FBN3: variants seen among roughly 807,000 people sequenced by gnomAD.
FBN3 encodes the protein fibrillin-3.
In FBN3, 234 loss-of-function variants were observed where a neutral mutation model predicts 330.1. The ratio of observed to expected loss-of-function variants is 0.71; its 90% CI spans 0.64 to 0.79. FBN3 has a LOEUF of 0.79. Ranked by LOEUF, FBN3 falls within the 30% of genes least tolerant of loss-of-function variation. The pLI is 0.00. For missense variants in FBN3, 3,606 were observed against 3,886.9 expected (o/e 0.93, Z 1.92); for synonymous variants, 1,458 against 1,517.3 (o/e 0.96, Z 0.91).
chr19:8,121,385 A>G lies in FBN3; in HGVS notation c.3084T>C (p.Asp1028=), dbSNP rs965558970. The change falls in exon 25 of 64, where the codon GAT becomes GAC. Residue 1028 remains aspartate, a splice_region_variant and synonymous_variant. Transcript: ENST00000600128. This position sits in a 1 kb window ranked among gnomAD's most constrained non-coding sequence, Gnocchi z 4.5. ...ALDAQERNCT[D]IDECRISPDL... ...CAGGAGAGATGCGACACTCGTCGAT[A>G]TCTGTGGGGAGAGGGGGCAGAGGCC... 1.3e-6 allele frequency: 2 copies of G among 1,575,260 alleles called. No individual in the cohort carries two copies. The highest frequency in any genetic ancestry group is 1.7e-6 in the Non-Finnish European group (2 of 1,166,730).
intron 56 of FBN3, 74 bp downstream of exon 56, chr19:8,085,289 G>A (rs2081913058): frequency 7.8e-7 from 1 of 1,279,868 alleles, no homozygotes; most frequent in Non-Finnish European, 1.1e-6. Context: ...ACCTGCTGCA[G>A]TACAGACACA....
intron 13 of FBN3, 25 bp downstream of exon 13, chr19:8,135,936 G>GGGACCCCCCCCCCC: frequency 1.5e-6 from 1 of 668,778 alleles, no homozygotes. Flanking sequence ...GGAAGCCCCT[G>GGGACCCCCCCCCCC]CCCACCCGCC....
At position 8,109,274 on chromosome 19, in the gene FBN3, C is replaced by G; in HGVS notation, c.4571G>C (p.Gly1524Ala). 1 of 1,614,146 alleles carries G rather than the reference C, an allele frequency of 6.2e-7. No homozygotes were observed. The highest frequency in any genetic ancestry group is 1.3e-5 in the African/African-American group (1 of 75,034). ...CTCACAGGGATTGCCCCAAGCCCGGCCCAGGGAGCAACAGCAGGAAGCTCG... is the reference window on the plus strand; with the variant it reads ...CTCACAGGGATTGCCCCAAGCCCGGGCCAGGGAGCAACAGCAGGAAGCTCG... Reference protein sequence around the residue: ...VTRASCCCSLGRAWGNPCELC... With the variant: ...VTRASCCCSLARAWGNPCELC... The change falls in exon 36 of 64, where the codon GGC (glycine) becomes GCC (alanine). Residue 1524 changes from glycine to alanine, a missense_variant. Physicochemically the swap from Gly to Ala is moderately conservative, Grantham distance 60 (BLOSUM62 0). Coordinates refer to ENST00000600128, the MANE Select transcript of FBN3 (RefSeq NM_032447.5). The surrounding 1 kb of genome is among the most constrained non-coding windows in gnomAD (Gnocchi z 5.2).
chr19:8,128,102 G>A (rs748081494), intron 18 of FBN3, among the ~76,000 whole-genome samples: 2 of 152,236 alleles, frequency 1.3e-5, no homozygotes, highest in South Asian at 2.1e-4. Flanking sequence ...TGGAACTTCC[G>A]TGCCTGCTCT....
At chr19:8,119,128 A>G in intron 25 of FBN3, 106 bp from the exon 26 acceptor site, 1 of 1,337,456 alleles carries the variant, frequency 7.5e-7, no homozygotes, top group Non-Finnish European at 1.0e-6. Context: ...AGCCCCCTTC[A>G]CCCCAGCGGG....
At position 8,141,194 on chromosome 19, in the gene FBN3, CAA is replaced by C. The variant is rs56060033; in HGVS notation, c.865+521_865+522del. On this transcript the variant is annotated intron_variant, in intron 8 of 63. Coordinates refer to ENST00000600128, the MANE Select transcript of FBN3 (RefSeq NM_032447.5). ...TGGGCGACAGAGCGAGACTCCGTCT[CAA>C]AAAAAAAAAAAAAAAAAAAAATTAG... Among the ~76,000 whole-genome samples, 473 of 54,336 alleles carry C rather than the reference CAA, an allele frequency of 8.7e-3. 4 individuals are homozygous for C. Among genetic ancestry groups the C allele is most frequent in the African/African-American group, 0.034 (428 of 12,586 alleles). The allele number at this position is 54,336 out of a possible 152,430, so 35.6% of individuals were successfully genotyped here. A position where few individuals can be genotyped will look rare whatever the true frequency, so the allele number is the denominator to read the frequency against.
chr19:8,086,408 T>G, intron 54 of FBN3, 83 bp from the exon 55 acceptor site: 7 of 908,660 alleles, frequency 7.7e-6, no homozygotes, highest in Non-Finnish European at 1.2e-5. Context: ...CCCCTTTGGA[T>G]CTGCCCAGGC....
chr19:8,109,796 C>T lies in FBN3; in HGVS notation c.4334-43G>A, dbSNP rs748855366. ...GGTCCTCAGCAGGGAGCCCCTTCCTCGGCCCCCCTCCCTCCTAGCTTCATC... is the reference window on the plus strand; with the variant it reads ...GGTCCTCAGCAGGGAGCCCCTTCCTTGGCCCCCCTCCCTCCTAGCTTCATC... On this transcript the variant is annotated intron_variant, in intron 34 of 63. Coordinates refer to ENST00000600128, the MANE Select transcript of FBN3 (RefSeq NM_032447.5). The surrounding 1 kb of genome is among the most constrained non-coding windows in gnomAD (Gnocchi z 5.2). 6 of 1,440,094 alleles carry T rather than the reference C, an allele frequency of 4.2e-6. No individual in the cohort carries two copies. The highest frequency in any genetic ancestry group is 2.6e-5 in the Admixed American group (1 of 37,904). 89.2% of individuals were successfully genotyped at this position (1,440,094 alleles called of 1,614,324 possible).
At chr19:8,142,923 A>G (rs557961900) in intron 6 of FBN3, among the ~76,000 whole-genome samples, 1 of 150,508 alleles carries the variant, frequency 6.6e-6, no homozygotes, top group East Asian at 2.0e-4. Flanking sequence ...CCCATGTTCT[A>G]ATTCTGCAGT....
chr19:8,108,353 A>T, intron 36 of FBN3, 115 bp from the exon 37 acceptor site: 1 of 766,084 alleles, frequency 1.3e-6, no homozygotes, highest in East Asian at 2.6e-5. Context: ...CCATCCTTCT[A>T]CTGTACTAAC....
chr19:8,071,764 T>A (rs1266124982), intron 63 of FBN3, among the ~76,000 whole-genome samples: 1 of 151,954 alleles, frequency 6.6e-6, no homozygotes, highest in African/African-American at 2.4e-5. Context: ...ATAGAAAGCA[T>A]CACAGCCCGG....
At position 8,135,540 on chromosome 19, in the gene FBN3, G is replaced by A. The variant is rs560402581; in HGVS notation, c.1591+421C>T. Among the ~76,000 whole-genome samples the A allele has an allele frequency of 1.1e-3, 134 of 121,948 alleles. 1 individual carries two copies. The highest frequency in any genetic ancestry group is 8.1e-3 in the Middle Eastern group (2 of 246). 80.0% of individuals were successfully genotyped at this position (121,948 alleles called of 152,430 possible). ...CTCCCAAAGTGCTGGGATTACAGGCGTGATCCACTACACTCGGACTTCTTT... is the reference window on the plus strand; with the variant it reads ...CTCCCAAAGTGCTGGGATTACAGGCATGATCCACTACACTCGGACTTCTTT... On this transcript the variant is annotated intron_variant, in intron 13 of 63. Coordinates refer to ENST00000600128, the MANE Select transcript of FBN3 (RefSeq NM_032447.5).
At chr19:8,135,936 G>GCCACCCCCCCCC in intron 13 of FBN3, 25 bp downstream of exon 13, 5 of 668,776 alleles carry the variant, frequency 7.5e-6, no homozygotes, top group Admixed American at 2.9e-5. Context: ...GGAAGCCCCT[G>GCCACCCCCCCCC]CCCACCCGCC....
Position 8,081,357 on chromosome 19 carries a change from C to CCTTTGCAGGTCCTGCCATCCT in FBN3, c.7316_7336dup (p.Glu2439_Lys2445dup). On this transcript the variant is annotated inframe_insertion and splice_region_variant. Transcript: ENST00000600128. ...GTGGGGGAGAGTTGAAAGGACATCACCTTTGCAGGTCCTGCCATCCTCCTC... is the reference window on the plus strand; with the variant it reads ...GTGGGGGAGAGTTGAAAGGACATCACCTTTGCAGGTCCTGCCATCCTCTTTGCAGGTCCTGCCATCCTCCTC... The CCTTTGCAGGTCCTGCCATCCT allele has an allele frequency of 6.3e-7, 1 of 1,598,376 alleles. No homozygotes were observed. Among genetic ancestry groups the CCTTTGCAGGTCCTGCCATCCT allele is most frequent in the Non-Finnish European group, 8.5e-7 (1 of 1,172,438 alleles).
rs2082169262 is a variant in FBN3 at position 8,094,524 on chromosome 19, C to T, written c.5827G>A (p.Gly1943Ser). Residue 1943 changes from glycine (G) to serine (S), a missense_variant, in exon 47 of 64, where the codon GGC becomes AGC. Physicochemically the swap from Gly to Ser is moderately conservative, Grantham distance 56. Coordinates refer to ENST00000600128, the MANE Select transcript of FBN3 (RefSeq NM_032447.5). The part of the protein sequence containing the change: ...CLSLAGTCLP[G>S]TCQNLEGSFR... ...GAGCCCTCGAGGTTCTGGCAAGTGC[C>T]GGGTAGGCAGGTTCCTGCAAGGCTG... 6.2e-7 allele frequency: 1 copy of T among 1,613,990 alleles called. No individual in the cohort carries two copies.
intron 30 of FBN3, among the ~76,000 whole-genome samples, chr19:8,114,435 G>GT (rs1324109136): frequency 6.6e-6 from 1 of 152,070 alleles, no homozygotes; most frequent in East Asian, 1.9e-4. Flanking sequence ...TTTTAGTAGT[G>GT]ACGGGGTTTC....
At chr19:8,095,663 G>A (rs2082193536) in intron 45 of FBN3, among the ~76,000 whole-genome samples, 160 bp from the exon 46 acceptor site, 1 of 152,114 alleles carries the variant, frequency 6.6e-6, no homozygotes, top group Non-Finnish European at 1.5e-5. Context: ...TATCTTATGA[G>A]GTAGTTGCTG....
At chr19:8,091,331 A>G in intron 48 of FBN3, 134 bp downstream of exon 48, 1 of 1,200,688 alleles carries the variant, frequency 8.3e-7, no homozygotes, top group Non-Finnish European at 1.2e-6. Context: ...TAACTCTGCT[A>G]ATGCAAACAG....
Position 8,147,108 on chromosome 19 carries a change from G to A in FBN3, c.246C>T (p.Val82=), listed in dbSNP as rs771650472. The A allele has an allele frequency of 1.2e-5, 19 of 1,560,110 alleles. No individual in the cohort carries two copies. The highest frequency in any genetic ancestry group is 2.1e-4 in the Middle Eastern group (1 of 4,682). ...WRTFPGRSQC[V]VPICRRACGE... is the part of the protein sequence containing the mutation. ...CCAGACGGCGGTAGCACTCACGTAC[G>A]ACACACTGGCTCCTGCCAGGGAATG... The change falls in exon 3 of 64, where the codon GTC becomes GTT. Residue 82 remains valine (V), a synonymous_variant. Transcript: ENST00000600128.
Sources: gnomAD v4.1 joint callset for allele counts (sites outside exome capture counted in the v4.1 genomes callset) on GRCh38, gnomAD v4.1.1 for gene constraint, Gnocchi (gnomAD v3.1) non-coding constraint, MANE v1.5 for transcripts, NCBI Gene and HGNC (gene_info 2026-07-23, HGNC 2026-07-21) for gene names.